Variants in GALNT13 observed in about 807,000 individuals in gnomAD.
The protein encoded by GALNT13 is polypeptide N-acetylgalactosaminyltransferase 13.
Under a neutral mutation model 64.2 loss-of-function variants are expected in GALNT13, and 28 were observed. The ratio of observed to expected loss-of-function variants is 0.44; its 90% confidence interval spans 0.32 to 0.60. The LOEUF is 0.60. Among genes scored for constraint, GALNT13 ranks in the 20% least tolerant of loss-of-function variants. The pLI is 0.05. For synonymous variants in GALNT13, 214 were observed against 224.6 expected (o/e 0.95, Z 0.42); for missense variants, 577 against 669.8 (o/e 0.86, Z 1.53).
rs926004799 is a variant in GALNT13, at chr2:154,409,815, T to G, written c.1395+733T>G. Among the ~76,000 whole-genome samples the G allele has an allele frequency of 1.4e-4, 21 of 151,920 alleles. 1 individual carries two copies. The highest frequency in any genetic ancestry group is 2.9e-5 in the Non-Finnish European group (2 of 67,906). ...AAAGTTTTTTATCCAGAGGTAGAAT[T>G]TCTGAGTTAGTGTGAACCGAGGTTG... On this transcript the variant is annotated intron_variant, in intron 11 of 12. Transcript: ENST00000392825.
chr2:153,475,655 ACT>A, the GALNT13 span, among the ~76,000 whole-genome samples: 3 of 152,098 alleles, frequency 2.0e-5, no homozygotes, highest in African/African-American at 7.2e-5. Context: ...CGTGTCTGAA[ACT>A]CTAAGCATGT....
chr2:153,165,886 A>G, the GALNT13 span, among the ~76,000 whole-genome samples: 1 of 152,212 alleles, frequency 6.6e-6, no homozygotes, highest in African/African-American at 2.4e-5. Flanking sequence ...AGTACTTTTA[A>G]AATGGTTTTC....
chr2:153,316,058 C>G, the GALNT13 span, among the ~76,000 whole-genome samples: 1 of 151,138 alleles, frequency 6.6e-6, no homozygotes, highest in Non-Finnish European at 1.5e-5. Context: ...CATTAGTAAT[C>G]AGGGATATAC....
chr2:153,765,117 C>A, the GALNT13 span, among the ~76,000 whole-genome samples: 2 of 152,326 alleles, frequency 1.3e-5, no homozygotes, highest in South Asian at 2.1e-4. Flanking sequence ...GATGGGAGCC[C>A]CCACACAGGG....
the GALNT13 span, among the ~76,000 whole-genome samples, chr2:153,142,554 T>C: frequency 1.3e-5 from 2 of 151,940 alleles, no homozygotes. Flanking sequence ...GGGAATAATA[T>C]GTCCCAATTT....
chr2:154,311,202 T>C (rs990616013), intron 9 of GALNT13, among the ~76,000 whole-genome samples: 3 of 152,134 alleles, frequency 2.0e-5, no homozygotes, highest in African/African-American at 7.2e-5. Context: ...TGTATAGACA[T>C]ATATGTACAT....
the GALNT13 span, among the ~76,000 whole-genome samples, chr2:153,621,196 G>A: frequency 2.0e-5 from 3 of 151,958 alleles, no homozygotes; most frequent in African/African-American, 4.8e-5. Context: ...ACATATTTAC[G>A]AAATGTTGTT....
chr2:153,625,589 C>CCTGTT, the GALNT13 span, among the ~76,000 whole-genome samples: 3 of 152,064 alleles, frequency 2.0e-5, no homozygotes, highest in African/African-American at 7.2e-5. Context: ...TTACGGAGTC[C>CCTGTT]CTGTTCTGTT....
intron 3 of GALNT13, among the ~76,000 whole-genome samples, chr2:154,100,535 T>A (rs2105462098): frequency 6.6e-6 from 1 of 152,270 alleles, no homozygotes; most frequent in African/African-American, 2.4e-5. Flanking sequence ...GAAATGCTGC[T>A]GATTTTTGTA....
the GALNT13 span, among the ~76,000 whole-genome samples, chr2:153,401,318 C>G: frequency 2.0e-5 from 3 of 151,700 alleles, no homozygotes; most frequent in African/African-American, 4.8e-5. Context: ...TGTTCTTTTA[C>G]ATTTGCTGAG....
At chr2:154,400,146 C>A (rs1699234848) in intron 10 of GALNT13, among the ~76,000 whole-genome samples, 1 of 152,166 alleles carries the variant, frequency 6.6e-6, no homozygotes, top group East Asian at 1.9e-4. Context: ...TGTTAATGAA[C>A]AACAGTCATT....
At chr2:154,242,396 A>G (rs1034470827) in intron 5 of GALNT13, among the ~76,000 whole-genome samples, 200 bp downstream of exon 5, 1 of 152,126 alleles carries the variant, frequency 6.6e-6, no homozygotes, top group Admixed American at 6.5e-5. Context: ...CAAATAACTA[A>G]TTCTTTCACT....
intron 4 of GALNT13, among the ~76,000 whole-genome samples, chr2:154,188,477 C>A (rs147044739): frequency 1.3e-5 from 2 of 152,146 alleles, no homozygotes; most frequent in East Asian, 3.9e-4. Context: ...AAATCCATTA[C>A]TAGGCCAACT....
intron 3 of GALNT13, among the ~76,000 whole-genome samples, chr2:154,069,436 A>G (rs1676474425): frequency 6.6e-6 from 1 of 152,014 alleles, no homozygotes; most frequent in Non-Finnish European, 1.5e-5. Context: ...AGATTTTAAT[A>G]GATGTTTGAG....
At chr2:153,415,308 C>G in the GALNT13 span, among the ~76,000 whole-genome samples, 2 of 152,238 alleles carry the variant, frequency 1.3e-5, no homozygotes, top group African/African-American at 2.4e-5. Flanking sequence ...GGGAGGCTGA[C>G]TAGTTCACAA....
At chr2:153,764,193 A>G in the GALNT13 span, among the ~76,000 whole-genome samples, 1 of 152,072 alleles carries the variant, frequency 6.6e-6, no homozygotes, top group Non-Finnish European at 1.5e-5. Context: ...AACTTGAGAG[A>G]GATGATTTAG....
the GALNT13 span, among the ~76,000 whole-genome samples, chr2:153,122,512 G>A: frequency 6.6e-6 from 1 of 152,152 alleles, no homozygotes; most frequent in Non-Finnish European, 1.5e-5. Flanking sequence ...TAACCTTAAT[G>A]TTCCATTCAC....
chr2:153,292,901 G>A, the GALNT13 span, among the ~76,000 whole-genome samples: 10 of 152,078 alleles, frequency 6.6e-5, no homozygotes, highest in African/African-American at 2.4e-4. Context: ...GTAATCACTA[G>A]CACATTTATG....
chr2:154,273,690 T>A (rs967192844), intron 8 of GALNT13, among the ~76,000 whole-genome samples: 2 of 152,164 alleles, frequency 1.3e-5, no homozygotes, highest in African/African-American at 4.8e-5. Context: ...TACAGACACA[T>A]GCTTTTCAAG....
Sources: allele counts gnomAD v4.1 joint callset (sites outside exome capture counted in the v4.1 genomes callset), GRCh38; gene constraint gnomAD v4.1.1; transcripts MANE v1.5; gene names NCBI Gene and HGNC (gene_info 2026-07-23, HGNC 2026-07-21).